SHB: variants seen among roughly 807,000 people sequenced by gnomAD.
The protein encoded by SHB is SH2 domain containing adaptor protein B.
A neutral mutation model predicts 52.3 loss-of-function variants in SHB; 20 were observed. The ratio of observed to expected loss-of-function variants is 0.38; its 90% confidence interval spans 0.27 to 0.56. The LOEUF (loss-of-function observed/expected upper bound fraction) is 0.56, where lower values mean the gene tolerates loss of function less well. Among genes scored for constraint, SHB ranks in the 20% least tolerant of loss-of-function variants. SHB has a pLI of 0.71. For synonymous variants in SHB, 397 were observed against 316.5 expected, an observed-to-expected ratio of 1.25 and a Z score of -2.70; for missense variants, 825 against 723.3, an observed-to-expected ratio of 1.14 and a Z score of -1.61.
intron 4 of SHB, among the ~76,000 whole-genome samples, chr9:37,955,225 G>A (rs1386214470): frequency 1.3e-5 from 2 of 152,220 alleles, no homozygotes; most frequent in African/African-American, 4.8e-5. Flanking sequence ...AAACTAGGAT[G>A]TAAAAAGGAG....
intron 1 of SHB, among the ~76,000 whole-genome samples, chr9:38,030,284 T>C: frequency 6.6e-6 from 1 of 152,142 alleles, no homozygotes; most frequent in East Asian, 1.9e-4. Context: ...CTCAGAGATG[T>C]TGAGCCCCCA....
chr9:38,014,991 A>G (rs1441414159), intron 2 of SHB, among the ~76,000 whole-genome samples: 1 of 152,198 alleles, frequency 6.6e-6, no homozygotes, highest in East Asian at 1.9e-4. Context: ...AAACCAGACA[A>G]ACAATAAGAG....
intron 2 of SHB, among the ~76,000 whole-genome samples, chr9:38,011,335 C>T (rs1351843714): frequency 6.6e-6 from 1 of 152,140 alleles, no homozygotes; most frequent in Non-Finnish European, 1.5e-5. Flanking sequence ...GAAACTGAGG[C>T]CCAGATGGGC....
intron 2 of SHB, among the ~76,000 whole-genome samples, chr9:37,990,202 C>T (rs2243887): frequency 0.54 from 81,164 of 151,432 alleles, 21,795 homozygotes; most frequent in East Asian, 0.72. Context: ...AGCTTCAAGT[C>T]TCAGCCTCTG....
At chr9:38,033,160 G>A (rs575458963) in intron 1 of SHB, among the ~76,000 whole-genome samples, 66 of 152,278 alleles carry the variant, frequency 4.3e-4, no homozygotes, top group South Asian at 2.3e-3. Flanking sequence ...AGGAGATGAG[G>A]CGGCCCTCAG....
chr9:37,985,828 T>C (rs1820799695), intron 2 of SHB, among the ~76,000 whole-genome samples: 2 of 145,110 alleles, frequency 1.4e-5, no homozygotes, highest in Admixed American at 1.4e-4. Flanking sequence ...GACACCACCG[T>C]CTGTAAGCGC....
intron 1 of SHB, among the ~76,000 whole-genome samples, chr9:38,043,983 C>T (rs1387862742): frequency 6.6e-6 from 1 of 152,238 alleles, no homozygotes; most frequent in Non-Finnish European, 1.5e-5. Flanking sequence ...AGGGCCATGG[C>T]CCCTATGCTG....
intron 5 of SHB, among the ~76,000 whole-genome samples, chr9:37,926,314 G>C (rs1409536079): frequency 6.6e-6 from 1 of 151,908 alleles, no homozygotes; most frequent in African/African-American, 2.4e-5. Flanking sequence ...ATTTTGCTAG[G>C]TCTATGCCTC....
intron 2 of SHB, among the ~76,000 whole-genome samples, chr9:37,987,879 T>A (rs562209716): frequency 2.4e-4 from 36 of 152,006 alleles, no homozygotes; most frequent in African/African-American, 8.7e-4. Flanking sequence ...GGGGGCAGGG[T>A]GCCAGCTGCC....
intron 5 of SHB, among the ~76,000 whole-genome samples, chr9:37,932,499 A>T (rs1250018549): frequency 2.0e-5 from 3 of 151,272 alleles, no homozygotes; most frequent in Non-Finnish European, 4.4e-5. Flanking sequence ...ACCACAGGTA[A>T]TAAACAAATT....
At chr9:38,018,169 A>T (rs1211720373) in intron 1 of SHB, among the ~76,000 whole-genome samples, 1 of 152,144 alleles carries the variant, frequency 6.6e-6, no homozygotes, top group Non-Finnish European at 1.5e-5. Flanking sequence ...GGGGTGGGAG[A>T]GGCAGTTGGG....
chr9:37,936,324 T>A (rs938788885), intron 5 of SHB, among the ~76,000 whole-genome samples: 2 of 152,238 alleles, frequency 1.3e-5, no homozygotes, highest in African/African-American at 4.8e-5. Flanking sequence ...TGCCATTTCA[T>A]CACCACAGAC....
At chr9:37,979,648 A>T (rs1820698918) in intron 2 of SHB, among the ~76,000 whole-genome samples, 1 of 151,734 alleles carries the variant, frequency 6.6e-6, no homozygotes, top group African/African-American at 2.4e-5. Flanking sequence ...AAACAACAAC[A>T]ACAAAAAAAA....
intron 2 of SHB, among the ~76,000 whole-genome samples, chr9:38,015,769 C>A (rs901545984): frequency 6.6e-6 from 1 of 152,248 alleles, no homozygotes; most frequent in Non-Finnish European, 1.5e-5. Flanking sequence ...CTTTGGTTAA[C>A]TGCACGTGAT....
chr9:38,043,322 C>A (rs934739026), intron 1 of SHB, among the ~76,000 whole-genome samples: 8 of 152,204 alleles, frequency 5.3e-5, no homozygotes, highest in Admixed American at 2.0e-4. Context: ...ACATAGGGGA[C>A]TGAACCAAAA....
In SHB at chr9:38,068,005, G is replaced by A. The variant is rs776867438; in HGVS notation, c.641C>T (p.Ala214Val). ...GTTGAGCAGTTTCTTGCCTCCGCAG[G>A]CCGTCGGGCTCCAGGTGCGGCCGCC... ...CAGGRTWSPT[A>V]CGGKKLLNKC... Residue 214 changes from alanine (A) to valine (V), a missense_variant, in exon 1 of 6, where the codon GCC becomes GTC. Ala to Val is a moderately conservative substitution (Grantham distance 64). Coordinates refer to ENST00000377707, the MANE Select transcript of SHB (RefSeq NM_003028.3). 2.0e-6 allele frequency: 3 copies of A among 1,527,640 alleles called. No individual in the cohort carries two copies. Among genetic ancestry groups the A allele is most frequent in the East Asian group, 5.2e-5 (2 of 38,546 alleles). 94.6% of individuals were successfully genotyped at this position (1,527,640 alleles called of 1,614,324 possible). A position where few individuals can be genotyped will look rare whatever the true frequency, so the allele number is the denominator to read the frequency against.
At position 37,921,724 on chromosome 9, in the gene SHB, G is replaced by C. The variant is rs16934599; in HGVS notation, c.1347-1720C>G. ...CGTCTGAGAAGCAGGCGGCGCACTC[G>C]CTTAGGCTGCAGAAAGGAAACGGCA... On this transcript the variant is annotated intron_variant, in intron 5 of 5. Transcript: ENST00000377707. Among the ~76,000 whole-genome samples the C allele has an allele frequency of 2.8e-4, 43 of 152,306 alleles. 1 individual carries two copies. In the East Asian group the frequency reaches 6.4e-3, roughly 23 times the overall value.
intron 5 of SHB, among the ~76,000 whole-genome samples, chr9:37,936,422 G>A (rs967032872): frequency 6.6e-6 from 1 of 152,162 alleles, no homozygotes; most frequent in African/African-American, 2.4e-5. Flanking sequence ...TACCGACTGG[G>A]CTGACCTTTG....
At chr9:38,005,017 G>A (rs1457632393) in intron 2 of SHB, among the ~76,000 whole-genome samples, 3 of 152,204 alleles carry the variant, frequency 2.0e-5, no homozygotes, top group Non-Finnish European at 4.4e-5. Flanking sequence ...GAAAGTTCCA[G>A]GCCAAAACCT....
Sources: allele counts gnomAD v4.1 joint callset (sites outside exome capture counted in the v4.1 genomes callset), GRCh38; gene constraint gnomAD v4.1.1; transcripts MANE v1.5; gene names NCBI Gene and HGNC (gene_info 2026-07-23, HGNC 2026-07-21).